The following LTBP1 variants were observed in gnomAD, a reference collection of about 807,000 sequenced individuals.
LTBP1 encodes the protein latent transforming growth factor beta binding protein 1, also known as latent-transforming growth factor beta-binding protein 1.
In LTBP1, 129 loss-of-function variants were observed where a neutral mutation model predicts 207.6. The ratio of observed to expected loss-of-function variants is 0.62; its 90% confidence interval spans 0.54 to 0.72. The LOEUF (loss-of-function observed/expected upper bound fraction) is 0.72, where lower values mean the gene tolerates loss of function less well. Among genes scored for constraint, LTBP1 ranks in the 30% least tolerant of loss-of-function variants. LTBP1 has a pLI of 0.00. For missense variants in LTBP1, 2,281 were observed against 2,217.2 expected (o/e 1.03, Z -0.58); for synonymous variants, 963 against 833.7 (o/e 1.16, Z -2.67).
chr2:33,257,977 T>C (rs924161950), intron 12 of LTBP1, among the ~76,000 whole-genome samples: 1 of 152,248 alleles, frequency 6.6e-6, no homozygotes, highest in Non-Finnish European at 1.5e-5. Flanking sequence ...TGAAGAGATC[T>C]GGTGATCACC....
chr2:33,363,566 T>C, intron 29 of LTBP1, 48 bp downstream of exon 29: 1 of 1,561,778 alleles, frequency 6.4e-7, no homozygotes, highest in Non-Finnish European at 8.7e-7. Flanking sequence ...AATATACAGA[T>C]GGAAAAAATA....
At chr2:33,074,869 CAAAAAAAAAAA>C (rs36211816) in intron 3 of LTBP1, among the ~76,000 whole-genome samples, 22 of 131,970 alleles carry the variant, frequency 1.7e-4, no homozygotes, top group African/African-American at 3.1e-4. Context: ...GACTCCATCT[CAAAAAAAAAAA>C]AAAAAAAAAA....
rs954871630 is a variant in LTBP1 at position 33,169,099 on chromosome 2, C to T, written c.1202-17757C>T. Among the ~76,000 whole-genome samples the T allele has an allele frequency of 5.9e-5, 9 of 152,290 alleles. 1 individual carries two copies. The South Asian group carries it at 1.7e-3, about 28-fold the overall frequency. On this transcript the variant is annotated intron_variant, in intron 5 of 33. Coordinates refer to ENST00000404816, the MANE Select transcript of LTBP1 (RefSeq NM_206943.4). ...TTTGTTTATAGTAGTGGTTCCCAAA[C>T]ATTGTCCACCCAGAATTTATTCCTT... is the stretch of plus-strand genomic sequence containing the variant.
At chr2:32,969,059 G>T (rs1429542824) in intron 2 of LTBP1, among the ~76,000 whole-genome samples, 3 of 151,884 alleles carry the variant, frequency 2.0e-5, no homozygotes, top group Non-Finnish European at 4.4e-5. Context: ...CCAAGTAGCT[G>T]GGATTACAGG....
chr2:33,137,895 A>T (rs2082272756), intron 5 of LTBP1, among the ~76,000 whole-genome samples: 1 of 152,146 alleles, frequency 6.6e-6, no homozygotes, highest in South Asian at 2.1e-4. Flanking sequence ...TCTGCCCATG[A>T]TGTATAAGAG....
intron 5 of LTBP1, among the ~76,000 whole-genome samples, chr2:33,148,765 T>C (rs1038951126): frequency 1.3e-5 from 2 of 152,238 alleles, no homozygotes; most frequent in Non-Finnish European, 2.9e-5. Context: ...ACTGTTTGTC[T>C]GTCAAATAGT....
intron 7 of LTBP1, among the ~76,000 whole-genome samples, chr2:33,204,369 G>A (rs34972759): frequency 0.023 from 3,482 of 152,274 alleles, 65 homozygotes; most frequent in South Asian, 0.044. Flanking sequence ...ATTTGCCACC[G>A]TTGAGAATAT....
In LTBP1 at chr2:33,365,456, G is replaced by T; in HGVS notation, c.4664G>T (p.Gly1555Val). The change falls in exon 31 of 34, where the codon GGA (glycine) becomes GTA (valine). Residue 1555 changes from glycine (G) to valine (V), a missense_variant. Gly to Val is a moderately radical substitution (Grantham distance 109). Transcript: ENST00000404816. The part of the protein sequence containing the change: ...TTYTECCCLY[G>V]EAWGMQCALC... ...TACACTGAGTGCTGCTGTCTGTATGGAGAGGCCTGGGGCATGCAGTGTGCC... is the reference window on the plus strand; with the variant it reads ...TACACTGAGTGCTGCTGTCTGTATGTAGAGGCCTGGGGCATGCAGTGTGCC... The T allele has an allele frequency of 6.2e-7, 1 of 1,614,184 alleles. No individual in the cohort carries two copies.
At chr2:33,218,523 A>C (rs1301818518) in intron 8 of LTBP1, among the ~76,000 whole-genome samples, 1 of 152,096 alleles carries the variant, frequency 6.6e-6, no homozygotes, top group East Asian at 1.9e-4. Context: ...CAGCCTCCCG[A>C]GTAGCTAGGG....
chr2:33,193,074 T>C (rs894395304), intron 7 of LTBP1, among the ~76,000 whole-genome samples: 5 of 152,182 alleles, frequency 3.3e-5, no homozygotes, highest in Non-Finnish European at 4.4e-5. Context: ...TAGATGATAT[T>C]TTGGAATTAC....
chr2:33,364,237 C>T lies in LTBP1; in HGVS notation c.4421C>T (p.Pro1474Leu), dbSNP rs1311628129. ...QCFDMDECQDPSSCIDGQCVN... is the reference protein window; with the variant it reads ...QCFDMDECQDLSSCIDGQCVN... Reference sequence around the variant, plus strand: ...TAAGATATGGATGAATGTCAAGACCCCAGTAGTTGTATTGATGGCCAGTGT... The same window carrying T: ...TAAGATATGGATGAATGTCAAGACCTCAGTAGTTGTATTGATGGCCAGTGT... Residue 1474 changes from proline to leucine, a missense_variant, in exon 30 of 34, where the codon CCC becomes CTC. Around this residue, in one of 3 missense-constraint regions of LTBP1, gnomAD observed 1,671 missense variants for 1,634.8 expected, o/e 1.02. Transcript: ENST00000404816. 1 of 1,613,636 alleles carries T rather than the reference C, an allele frequency of 6.2e-7. No individual in the cohort carries two copies. The highest frequency in any genetic ancestry group is 8.5e-7 in the Non-Finnish European group (1 of 1,179,840).
At chr2:33,397,092 G>A (rs1232415501) in intron 32 of LTBP1, 41 bp from the exon 33 acceptor site, 1 of 1,591,492 alleles carries the variant, frequency 6.3e-7, no homozygotes, top group Admixed American at 1.7e-5. Context: ...GATATAGGAA[G>A]TTGAGAAGCT....
intron 5 of LTBP1, among the ~76,000 whole-genome samples, chr2:33,176,171 A>T (rs1042146306): frequency 5.3e-5 from 8 of 152,170 alleles, no homozygotes; most frequent in South Asian, 2.1e-4. Context: ...TAAAATAAAA[A>T]AATAGAAAAT....
intron 10 of LTBP1, among the ~76,000 whole-genome samples, chr2:33,246,626 A>T (rs1490037677): frequency 6.6e-6 from 1 of 152,200 alleles, no homozygotes; most frequent in Non-Finnish European, 1.5e-5. Context: ...GCATGAATTT[A>T]GGCCATATCC....
chr2:33,230,340 T>C (rs1401822986), intron 9 of LTBP1, among the ~76,000 whole-genome samples: 1 of 152,198 alleles, frequency 6.6e-6, no homozygotes, highest in Non-Finnish European at 1.5e-5. Flanking sequence ...TTTGAGGAGC[T>C]TTCAAATAAT....
intron 24 of LTBP1, among the ~76,000 whole-genome samples, chr2:33,317,392 T>C (rs1397255112): frequency 6.6e-6 from 1 of 152,248 alleles, no homozygotes; most frequent in Non-Finnish European, 1.5e-5. Flanking sequence ...TTATTATGCA[T>C]GTTATTCTCT....
intron 3 of LTBP1, among the ~76,000 whole-genome samples, chr2:33,108,770 C>T (rs757333403): frequency 5.9e-5 from 9 of 152,086 alleles, no homozygotes; most frequent in Non-Finnish European, 1.2e-4. Flanking sequence ...TTCCGAGATG[C>T]GGAGGATTCC....
intron 31 of LTBP1, among the ~76,000 whole-genome samples, chr2:33,370,096 G>C (rs1236291140): frequency 8.5e-6 from 1 of 117,434 alleles, no homozygotes; most frequent in Non-Finnish European, 1.9e-5. Context: ...AATAATATCT[G>C]CCTTTCAGGG....
intron 18 of LTBP1, among the ~76,000 whole-genome samples, chr2:33,278,126 C>T (rs999650147): frequency 6.6e-6 from 1 of 151,668 alleles, no homozygotes; most frequent in African/African-American, 2.4e-5. Context: ...GCTACTGCAC[C>T]CGGCCCAAAT....
Sources: allele counts gnomAD v4.1 joint callset (sites outside exome capture counted in the v4.1 genomes callset), GRCh38; gene constraint gnomAD v4.1.1; regional missense constraint gnomAD v4.1.1; transcripts MANE v1.5; gene names NCBI Gene and HGNC (gene_info 2026-07-23, HGNC 2026-07-21).